AHI1: variants seen among roughly 807,000 people sequenced by gnomAD.
The protein encoded by AHI1 is Abelson helper integration site 1.
AHI1 carries 123 observed loss-of-function variants against 149.3 expected under a neutral mutation model. That is an observed-to-expected ratio of 0.82 (90% CI 0.71 to 0.96). The LOEUF is 0.96. AHI1 is among the 40% of genes least tolerant of loss of function. The pLI is 0.00. For missense variants in AHI1, 1,439 were observed against 1,422.7 expected (o/e 1.01, Z -0.18); for synonymous variants, 475 against 459.8 (o/e 1.03, Z -0.42).
Position 135,284,350 on chromosome 6 carries a change from G to A in AHI1, c.*1295C>T, listed in dbSNP as rs1426037072. 3 of 152,092 alleles carry A rather than the reference G, an allele frequency of 2.0e-5. No homozygotes were observed. Among genetic ancestry groups the A allele is most frequent in the Non-Finnish European group, 4.4e-5 (3 of 68,016 alleles). The allele number at this position is 152,092 out of a possible 1,614,324, so 9.4% of individuals were successfully genotyped here. On this transcript the variant is annotated 3_prime_UTR_variant, in exon 29 of 29. Coordinates refer to ENST00000265602, the MANE Select transcript of AHI1 (RefSeq NM_001134831.2). The stretch of plus-strand genomic sequence containing the variant: ...ATCTGGGCAAAATTTACACCTCAAT[G>A]CCCAACATTGTTTTTCTCACTTCTT...
intron 27 of AHI1, among the ~76,000 whole-genome samples, chr6:135,295,673 AG>A (rs1276190429): frequency 1.3e-5 from 2 of 152,200 alleles, no homozygotes; most frequent in Non-Finnish European, 2.9e-5. Flanking sequence ...AGACAGTGAG[AG>A]AAAGTAGATC....
chr6:135,358,879 C>T (rs1793410818), intron 23 of AHI1, among the ~76,000 whole-genome samples: 1 of 152,230 alleles, frequency 6.6e-6, no homozygotes, highest in East Asian at 1.9e-4. Flanking sequence ...CAAAGTCTAA[C>T]TCAAGTTAAA....
At chr6:135,300,739 A>G in intron 26 of AHI1, 181 bp from the exon 27 acceptor site, 1 of 1,224,534 alleles carries the variant, frequency 8.2e-7, no homozygotes, top group Non-Finnish European at 1.0e-6. Flanking sequence ...ATTTGCTCCC[A>G]TGAAAAACCA....
intron 21 of AHI1, among the ~76,000 whole-genome samples, chr6:135,408,436 T>G (rs1460306010): frequency 1.3e-5 from 2 of 152,016 alleles, no homozygotes; most frequent in African/African-American, 4.8e-5. Context: ...TACAAAGAAC[T>G]GCAATATTGA....
intron 24 of AHI1, among the ~76,000 whole-genome samples, chr6:135,329,833 T>C (rs1788268885): frequency 6.6e-6 from 1 of 152,174 alleles, no homozygotes. Context: ...GACATCCAAT[T>C]GTCAACATTA....
At chr6:135,349,173 A>G (rs1791694074) in intron 24 of AHI1, among the ~76,000 whole-genome samples, 1 of 152,148 alleles carries the variant, frequency 6.6e-6, no homozygotes, top group African/African-American at 2.4e-5. Context: ...TGTTTTTAAG[A>G]GATGGGTTCT....
At chr6:135,326,562 G>A (rs1443770750) in intron 24 of AHI1, among the ~76,000 whole-genome samples, 1 of 151,566 alleles carries the variant, frequency 6.6e-6, no homozygotes, top group Non-Finnish European at 1.5e-5. Context: ...TACCCCACAG[G>A]TAATTTTTTT....
chr6:135,303,622 T>A (rs1047152545), intron 26 of AHI1, among the ~76,000 whole-genome samples: 1 of 152,054 alleles, frequency 6.6e-6, no homozygotes, highest in East Asian at 1.9e-4. Context: ...AGCACCATTC[T>A]CTTATTTTAC....
intron 20 of AHI1, among the ~76,000 whole-genome samples, chr6:135,422,937 G>T (rs1213512743): frequency 6.6e-6 from 1 of 152,010 alleles, no homozygotes; most frequent in Admixed American, 6.6e-5. Context: ...TTTACTTCAT[G>T]ATCAGGAAAT....
chr6:135,492,551 G>A, intron 3 of AHI1: 1 of 981,964 alleles, frequency 1.0e-6, no homozygotes, highest in Non-Finnish European at 1.2e-6. Context: ...ACATTTTGAA[G>A]GCAGTGCACA....
chr6:135,423,234 C>A (rs920793554), intron 20 of AHI1, among the ~76,000 whole-genome samples: 1 of 151,996 alleles, frequency 6.6e-6, no homozygotes. Context: ...CTGTTATTAG[C>A]CCCAAATTTA....
intron 23 of AHI1, among the ~76,000 whole-genome samples, chr6:135,375,488 T>C (rs1227261902): frequency 1.3e-5 from 2 of 152,220 alleles, no homozygotes; most frequent in Admixed American, 6.5e-5. Flanking sequence ...GATGTTTTCA[T>C]ATACATGGTG....
chr6:135,477,133 C>T (rs61273166), intron 5 of AHI1, among the ~76,000 whole-genome samples: 9,883 of 150,828 alleles, frequency 0.066, 734 homozygotes, highest in African/African-American at 0.18. Flanking sequence ...CTCCACCTCC[C>T]GGGTTCATGC....
At chr6:135,404,484 T>C (rs1436620127) in intron 22 of AHI1, among the ~76,000 whole-genome samples, 1 of 152,180 alleles carries the variant, frequency 6.6e-6, no homozygotes, top group Non-Finnish European at 1.5e-5. Context: ...AGGATTATTA[T>C]ACAGTATAGT....
chr6:135,483,355 A>G (rs1794010851), intron 5 of AHI1, among the ~76,000 whole-genome samples: 1 of 152,220 alleles, frequency 6.6e-6, no homozygotes, highest in Admixed American at 6.5e-5. Flanking sequence ...TACCTAGGAA[A>G]CCATGAAGAT....
At chr6:135,456,544 CAAAA>C (rs776119975) in intron 9 of AHI1, among the ~76,000 whole-genome samples, 2 of 84,798 alleles carry the variant, frequency 2.4e-5, no homozygotes, top group African/African-American at 3.7e-5. Flanking sequence ...GATATTGTCT[CAAAA>C]AAAAAAAAAA....
At chr6:135,337,485 G>A (rs1789569856) in intron 24 of AHI1, among the ~76,000 whole-genome samples, 1 of 152,152 alleles carries the variant, frequency 6.6e-6, no homozygotes, top group South Asian at 2.1e-4. Flanking sequence ...GAGGCCAAGT[G>A]CAGTGGCTCA....
chr6:135,483,034 G>T (rs1043924047), intron 5 of AHI1, among the ~76,000 whole-genome samples: 1 of 150,944 alleles, frequency 6.6e-6, no homozygotes, highest in Non-Finnish European at 1.5e-5. Context: ...TGGGACTACA[G>T]CTGCCTGCCA....
chr6:135,438,999 A>G (rs962288593), intron 14 of AHI1, among the ~76,000 whole-genome samples: 6 of 152,232 alleles, frequency 3.9e-5, no homozygotes, highest in African/African-American at 9.6e-5. Flanking sequence ...CAATGACTCA[A>G]TCAGACACAC....
Sources: allele counts gnomAD v4.1 joint callset (sites outside exome capture counted in the v4.1 genomes callset), GRCh38; gene constraint gnomAD v4.1.1; transcripts MANE v1.5; gene names NCBI Gene and HGNC (gene_info 2026-07-23, HGNC 2026-07-21).